PCSK4: variants seen among roughly 807,000 people sequenced by gnomAD.
PCSK4 encodes proprotein convertase subtilisin/kexin type 4, also known as testicular tissue protein Li 135.
Under a neutral mutation model 80.3 loss-of-function variants are expected in PCSK4, and 64 were observed. The observed-to-expected ratio is 0.80, with a 90% CI of 0.65 to 0.98. The LOEUF (loss-of-function observed/expected upper bound fraction) is 0.98, where lower values mean the gene tolerates loss of function less well. PCSK4 is among the 50% of genes least tolerant of loss of function. PCSK4 has a pLI of 0.00. For missense variants in PCSK4, 1,213 were observed against 1,093.6 expected, an observed-to-expected ratio of 1.11 and a Z score of -1.54; for synonymous variants, 561 against 487.6, an observed-to-expected ratio of 1.15 and a Z score of -1.98.
chr19:1,486,857 T>C, exon 8 of PCSK4: 5 of 1,596,228 alleles, frequency 3.1e-6, no homozygotes, highest in Non-Finnish European at 4.2e-6. Flanking sequence ...ACTCACGATC[T>C]GGGGGTCGGT....
In PCSK4 at chr19:1,490,169, T is replaced by C. The variant is rs573266094; in HGVS notation, c.178A>G (p.Asn60Asp). 28 of 1,613,676 alleles carry C rather than the reference T, an allele frequency of 1.7e-5. No homozygotes were observed. In the South Asian group the frequency reaches 3.1e-4, roughly 18 times the overall value. The change falls in exon 1 of 15, where the codon AAC (asparagine) becomes GAC (aspartate). Residue 60 changes from asparagine to aspartate, a missense_variant. By Grantham distance (23) the Asn-to-Asp change is conservative (BLOSUM62 1). Transcript: ENST00000300954. The stretch of plus-strand genomic sequence containing the variant: ...CCGGTCCCACCCACCGGCCCCAGGT[T>C]GACGAAGCCGAATTTGCGTGCCAGG...
chr19:1,487,655 C>T, exon 6 of PCSK4: 1 of 1,555,040 alleles, frequency 6.4e-7, no homozygotes, highest in Non-Finnish European at 8.7e-7. Flanking sequence ...CATTGTTGGC[C>T]ATCGCGGCCA....
intron 8 of PCSK4, among the ~76,000 whole-genome samples, chr19:1,486,451 C>A (rs550601955): frequency 5.0e-4 from 76 of 152,068 alleles, no homozygotes; most frequent in Non-Finnish European, 7.4e-5. Context: ...CGCCCACCAC[C>A]ACGCCCGGCT....
chr19:1,486,712 G>A (rs912757079), intron 8 of PCSK4, 141 bp downstream of exon 8: 25 of 707,782 alleles, frequency 3.5e-5, no homozygotes, highest in Non-Finnish European at 6.0e-5. Flanking sequence ...GATTACAGGT[G>A]TGAGCCACCG....
At chr19:1,490,256 C>T (rs776576469) in exon 1 of PCSK4, 19 of 1,609,726 alleles carry the variant, frequency 1.2e-5, no homozygotes, top group East Asian at 6.7e-5. Context: ...TAGATGGGGG[C>T]TCGGACCGGG....
chr19:1,490,795 C>A (rs1341543058), upstream of PCSK4: 3 of 190,842 alleles, frequency 1.6e-5, no homozygotes, highest in South Asian at 1.6e-4. Flanking sequence ...GCCCTGCCTC[C>A]TTTGTGATCA....
chr19:1,490,123 A>G, intron 1 of PCSK4, 35 bp downstream of exon 1: 1 of 1,611,180 alleles, frequency 6.2e-7, no homozygotes, highest in Non-Finnish European at 8.5e-7. Context: ...GTCCCCTCCA[A>G]GCCCCCACTT....
At chr19:1,483,346 G>A (rs752167945) in exon 12 of PCSK4, 89 of 1,609,962 alleles carry the variant, frequency 5.5e-5, no homozygotes, top group Non-Finnish European at 7.0e-5. Flanking sequence ...CCAGGTCTCC[G>A]CGCCGGCTGT....
chr19:1,486,865 G>A (rs375539910), exon 8 of PCSK4: 12 of 1,597,214 alleles, frequency 7.5e-6, no homozygotes, highest in African/African-American at 5.3e-5. Flanking sequence ...TCTGGGGGTC[G>A]GTGGCCACGC....
rs761460716 is a variant in PCSK4 at position 1,487,809 on chromosome 19, C to T, written c.569G>A (p.Arg190His). 31 of 1,574,344 alleles carry T rather than the reference C, an allele frequency of 2.0e-5. No individual in the cohort carries two copies. The Admixed American group carries it at 2.2e-4, about 11-fold the overall frequency. ...CCGGTTCTCTTTGCTGGGGGTGTAG[C>T]GGGGCTGGGGGTCCGGGTCGTAGTC... Residue 190 changes from arginine to histidine, a missense_variant, in exon 5 of 15, where the codon CGC becomes CAC. By Grantham distance (29) the Arg-to-His change is conservative (BLOSUM62 0). Transcript: ENST00000300954.
At chr19:1,488,161 G>A (rs373633001) in intron 3 of PCSK4, 27 bp downstream of exon 3, 76 of 1,613,282 alleles carry the variant, frequency 4.7e-5, no homozygotes, top group African/African-American at 2.4e-4. Context: ...CCCCGTCCCC[G>A]TCTACCCACC....
At chr19:1,482,562 G>A in intron 13 of PCSK4, 87 bp from the exon 14 acceptor site, 1 of 1,496,948 alleles carries the variant, frequency 6.7e-7, no homozygotes, top group Admixed American at 1.9e-5. Context: ...CTCCCCTTCA[G>A]CTCCCACGCG....
intron 12 of PCSK4, 88 bp from the exon 13 acceptor site, chr19:1,483,108 G>A: frequency 1.5e-6 from 2 of 1,331,398 alleles, no homozygotes; most frequent in Non-Finnish European, 2.0e-6. Flanking sequence ...CTGACCGCAC[G>A]CGCTGGTGGC....
rs142821760 is a variant in PCSK4, at chr19:1,487,973, C to A, written c.507G>T (p.Trp169Cys). The change falls in exon 4 of 15, where the codon TGG (tryptophan) becomes TGT (cysteine). Residue 169 changes from tryptophan to cysteine, a missense_variant. Transcript: ENST00000300954. ...CCACCCGCGGTCTCACGTAGTTGGC[C>A]CAGAGGTCCGGGTGGTCCTTCTCGA... The A allele has an allele frequency of 4.3e-6, 7 of 1,611,622 alleles. No individual in the cohort carries two copies. The highest frequency in any genetic ancestry group is 5.9e-6 in the Non-Finnish European group (7 of 1,178,584).
exon 15 of PCSK4, chr19:1,481,774 C>T (rs747684410): frequency 5.3e-6 from 8 of 1,509,436 alleles, no homozygotes; most frequent in Non-Finnish European, 6.2e-6. Flanking sequence ...TTCCAGCTGG[C>T]AGCCAGACCT....
At chr19:1,490,423 C>A (rs1203846150), upstream of PCSK4, 2 of 586,066 alleles carry the variant, frequency 3.4e-6, no homozygotes, top group South Asian at 2.2e-5. Context: ...GGCGTCCGAC[C>A]CGCCCCCGGC....
intron 8 of PCSK4, among the ~76,000 whole-genome samples, chr19:1,485,490 G>A (rs1007620293): frequency 3.3e-5 from 5 of 152,110 alleles, no homozygotes; most frequent in Admixed American, 1.3e-4. Context: ...GCTTGAGCCC[G>A]GCAGGCGTAG....
chr19:1,482,957 A>C lies in PCSK4; in HGVS notation c.1635T>G (p.Asp545Glu), dbSNP rs576305886. 3 of 1,607,414 alleles carry C rather than the reference A, an allele frequency of 1.9e-6. No homozygotes were observed. Among genetic ancestry groups the C allele is most frequent in the African/African-American group, 2.7e-5 (2 of 73,912 alleles). The change falls in exon 13 of 15, where the codon GAT becomes GAG. Residue 545 changes from aspartate (D) to glutamate (E), a missense_variant. Transcript: ENST00000300954. Reference sequence around the variant, plus strand: ...GGGTCCACACGCCCTGTGGGTTCTCATCCCAGAAGTGGGTGGACATGAAGA... The same window carrying C: ...GGGTCCACACGCCCTGTGGGTTCTCCTCCCAGAAGTGGGTGGACATGAAGA...
At position 1,484,078 on chromosome 19, in the gene PCSK4, G is replaced by A. The variant is rs946416520; in HGVS notation, c.1118C>T (p.Ser373Leu). ...GCCGGCCGCCAGTGGGGCTGAGGCC[G>A]AGGTGCCCGTGTGCTGGTCTGTGCA... Residue 373 changes from serine (S) to leucine (L), a missense_variant, in exon 9 of 15, where the codon TCG becomes TTG. By Grantham distance (145) the Ser-to-Leu change is moderately radical (BLOSUM62 -2). Coordinates refer to ENST00000300954, the Ensembl canonical transcript of PCSK4. 5.7e-5 allele frequency: 90 copies of A among 1,566,590 alleles called. 1 individual carries two copies. The highest frequency in any genetic ancestry group is 7.2e-5 in the Non-Finnish European group (83 of 1,157,864).
Sources: allele counts gnomAD v4.1 joint callset (sites outside exome capture counted in the v4.1 genomes callset), GRCh38; gene constraint gnomAD v4.1.1; transcripts MANE v1.5; gene names NCBI Gene and HGNC (gene_info 2026-07-23, HGNC 2026-07-21).